Variants in GTF2F2 observed in about 807,000 individuals in gnomAD.
GTF2F2 encodes the protein general transcription factor IIF subunit 2.
GTF2F2 carries 23 observed loss-of-function variants against 42.2 expected under a neutral mutation model. The observed-to-expected ratio is 0.55, with a 90% confidence interval of 0.39 to 0.77. The LOEUF is 0.77. GTF2F2 is among the 30% of genes least tolerant of loss of function. The pLI is 0.00. For synonymous variants in GTF2F2, 105 were observed against 100.8 expected (o/e 1.04, Z -0.25); for missense variants, 261 against 287.2 (o/e 0.91, Z 0.66).
chr13:45,249,881 C>T (rs115856107), intron 5 of GTF2F2, among the ~76,000 whole-genome samples: 1,889 of 152,138 alleles, frequency 0.012, 41 homozygotes, highest in African/African-American at 0.04. Flanking sequence ...TTGTGTTTCC[C>T]ACCCACTCCC....
At chr13:45,237,874 C>T (rs188195473) in intron 5 of GTF2F2, among the ~76,000 whole-genome samples, 19 of 152,282 alleles carry the variant, frequency 1.2e-4, no homozygotes, top group African/African-American at 4.3e-4. Flanking sequence ...GATAGAAAAG[C>T]TTTCATCCCC....
chr13:45,183,585 A>G (rs1327300909), intron 4 of GTF2F2, among the ~76,000 whole-genome samples: 1 of 152,140 alleles, frequency 6.6e-6, no homozygotes, highest in Non-Finnish European at 1.5e-5. Context: ...GCCATAGAAC[A>G]CTGGGAAATG....
Position 45,283,604 on chromosome 13 carries a change from T to C in GTF2F2, c.*43T>C, listed in dbSNP as rs750302570. ...ATGCTAGTGAAACGACTAGCAGCGA[T>C]GCTATGCAAAAGGCGCTGATACTGG... On this transcript the variant is annotated 3_prime_UTR_variant, in exon 8 of 8. Coordinates refer to ENST00000340473, the MANE Select transcript of GTF2F2 (RefSeq NM_004128.3). 5.8e-6 allele frequency: 9 copies of C among 1,539,946 alleles called. No homozygotes were observed. Among genetic ancestry groups the C allele is most frequent in the Non-Finnish European group, 7.9e-6 (9 of 1,143,686 alleles).
At chr13:45,139,277 T>G (rs1056249281) in intron 2 of GTF2F2, among the ~76,000 whole-genome samples, 1 of 152,148 alleles carries the variant, frequency 6.6e-6, no homozygotes, top group Admixed American at 6.5e-5. Context: ...TTCTTAGCTG[T>G]GTCTCATTTA....
intron 5 of GTF2F2, among the ~76,000 whole-genome samples, chr13:45,247,320 C>CAG (rs1283096011): frequency 6.6e-6 from 1 of 151,952 alleles, no homozygotes; most frequent in African/African-American, 2.4e-5. Context: ...GCCTGGGAGA[C>CAG]AGAGAGAGAC....
At chr13:45,233,992 T>G (rs1286735424) in intron 5 of GTF2F2, among the ~76,000 whole-genome samples, 1 of 152,200 alleles carries the variant, frequency 6.6e-6, no homozygotes, top group East Asian at 1.9e-4. Flanking sequence ...TACTGGTGAA[T>G]CAACCTCATC....
At chr13:45,260,821 T>C (rs555062285) in intron 6 of GTF2F2, among the ~76,000 whole-genome samples, 16 of 151,994 alleles carry the variant, frequency 1.1e-4, no homozygotes, top group African/African-American at 3.9e-4. Context: ...AGACCAGCCT[T>C]GAGTTTGAGA....
chr13:45,232,279 TA>T (rs1404669110), intron 5 of GTF2F2, among the ~76,000 whole-genome samples: 1 of 152,192 alleles, frequency 6.6e-6, no homozygotes, highest in African/African-American at 2.4e-5. Flanking sequence ...TGCTTAGCTT[TA>T]AATAAATAAT....
intron 5 of GTF2F2, among the ~76,000 whole-genome samples, chr13:45,221,760 C>T (rs1162402214): frequency 6.6e-6 from 1 of 152,190 alleles, no homozygotes; most frequent in African/African-American, 2.4e-5. Flanking sequence ...AATCCTGCAT[C>T]ATCTGGCCTT....
chr13:45,270,556 T>C (rs1305514315), intron 7 of GTF2F2, among the ~76,000 whole-genome samples: 2 of 152,148 alleles, frequency 1.3e-5, no homozygotes, highest in Admixed American at 6.6e-5. Flanking sequence ...CATTAATCTA[T>C]GAATGGGCAG....
At chr13:45,149,452 GGAAAAA>G (rs1389444271) in intron 2 of GTF2F2, among the ~76,000 whole-genome samples, 1 of 147,968 alleles carries the variant, frequency 6.8e-6, no homozygotes, top group African/African-American at 2.5e-5. Context: ...AAAAAAAAAG[GGAAAAA>G]GAAAATGTAA....
intron 4 of GTF2F2, among the ~76,000 whole-genome samples, chr13:45,199,677 C>T (rs1049311859): frequency 1.3e-5 from 2 of 152,158 alleles, no homozygotes; most frequent in Non-Finnish European, 1.5e-5. Flanking sequence ...TGCAATTTTA[C>T]TTTCTCTTTG....
chr13:45,175,259 T>C (rs747808733), intron 4 of GTF2F2, among the ~76,000 whole-genome samples: 1 of 152,266 alleles, frequency 6.6e-6, no homozygotes, highest in Non-Finnish European at 1.5e-5. Context: ...CATGTTGCCT[T>C]GTTTGACAGG....
At chr13:45,220,947 G>A in intron 5 of GTF2F2, 1 of 148,358 alleles carries the variant, frequency 6.7e-6, no homozygotes, top group Non-Finnish European at 1.5e-5. Flanking sequence ...ATGTGTGTGT[G>A]TGTGTGTGTG....
chr13:45,231,611 G>A (rs574584396), intron 5 of GTF2F2, among the ~76,000 whole-genome samples: 2 of 152,106 alleles, frequency 1.3e-5, no homozygotes, highest in South Asian at 4.1e-4. Flanking sequence ...TTTAATATCA[G>A]TATCAGCACC....
At chr13:45,246,415 T>C (rs892468677) in intron 5 of GTF2F2, among the ~76,000 whole-genome samples, 2 of 152,212 alleles carry the variant, frequency 1.3e-5, no homozygotes, top group African/African-American at 4.8e-5. Context: ...TTTATCTTAC[T>C]TAGGCACCAC....
chr13:45,271,615 G>A (rs1411241574), intron 7 of GTF2F2, among the ~76,000 whole-genome samples: 2 of 151,578 alleles, frequency 1.3e-5, no homozygotes, highest in Non-Finnish European at 2.9e-5. Flanking sequence ...GCAGTGACAC[G>A]ATCTCAGCTC....
intron 1 of GTF2F2, among the ~76,000 whole-genome samples, chr13:45,132,846 G>A (rs370440858): frequency 3.0e-4 from 45 of 152,038 alleles, no homozygotes; most frequent in African/African-American, 1.0e-3. Context: ...TTCTAGGTTC[G>A]AGAAGTGAAA....
chr13:45,203,557 A>G (rs1315060757), intron 4 of GTF2F2, among the ~76,000 whole-genome samples: 1 of 152,160 alleles, frequency 6.6e-6, no homozygotes, highest in Non-Finnish European at 1.5e-5. Flanking sequence ...TTAACTTTAT[A>G]TCATCTTACC....
Sources: gnomAD v4.1 joint callset for allele counts (sites outside exome capture counted in the v4.1 genomes callset) on GRCh38, gnomAD v4.1.1 for gene constraint, MANE v1.5 for transcripts, NCBI Gene and HGNC (gene_info 2026-07-23, HGNC 2026-07-21) for gene names.